ZC3H12B: variants seen among roughly 807,000 people sequenced by gnomAD.
The protein encoded by ZC3H12B is zinc finger CCCH-type containing 12B.
ZC3H12B carries 7 observed loss-of-function variants against 43.9 expected under a neutral mutation model. That is an observed-to-expected ratio of 0.16 (90% CI 0.09 to 0.30). ZC3H12B has a LOEUF of 0.30. Ranked by LOEUF, ZC3H12B falls within the 10% of genes least tolerant of loss-of-function variation. ZC3H12B has a pLI of 1.00. For synonymous variants in ZC3H12B, 222 were observed against 241.7 expected, an observed-to-expected ratio of 0.92 and a Z score of 0.76; for missense variants, 475 against 670.2, an observed-to-expected ratio of 0.71 and a Z score of 3.22.
chrX:65,043,147 A>G, the ZC3H12B span, among the ~76,000 whole-genome samples: 1 of 111,431 alleles, frequency 9.0e-6, no homozygotes, highest in African/African-American at 3.3e-5. Context: ...TCATATAAAT[A>G]TGGTTATTAG....
the ZC3H12B span, among the ~76,000 whole-genome samples, chrX:65,261,599 T>G: frequency 9.0e-6 from 1 of 111,299 alleles, no homozygotes; most frequent in Admixed American, 9.6e-5. Flanking sequence ...TATTTTATTT[T>G]ACCTGTAATA....
At chrX:65,375,283 A>G (rs769511382) in intron 2 of ZC3H12B, among the ~76,000 whole-genome samples, 24 of 112,086 alleles carry the variant, frequency 2.1e-4, no homozygotes, top group Non-Finnish European at 3.8e-4. Flanking sequence ...GAGGGGAATT[A>G]TCCATCCCAG....
chrX:65,058,864 AC>A, the ZC3H12B span, among the ~76,000 whole-genome samples: 1 of 111,853 alleles, frequency 8.9e-6, no homozygotes. Context: ...TGGGCGTGTG[AC>A]CCTCCGAGCC....
At chrX:65,236,333 G>A in the ZC3H12B span, among the ~76,000 whole-genome samples, 1 of 111,709 alleles carries the variant, frequency 9.0e-6, no homozygotes, top group Non-Finnish European at 1.9e-5. Flanking sequence ...ATGTTTCTTA[G>A]CCACATGAAT....
upstream of ZC3H12B, among the ~76,000 whole-genome samples, chrX:65,363,084 C>A (rs1231149614): frequency 9.0e-6 from 1 of 111,681 alleles, no homozygotes; most frequent in Non-Finnish European, 1.9e-5. Flanking sequence ...TGCTGCAAGG[C>A]TTCAGGGACA....
intron 3 of ZC3H12B, among the ~76,000 whole-genome samples, chrX:65,435,999 A>T (rs763828168): frequency 3.6e-5 from 4 of 112,226 alleles, no homozygotes; most frequent in Non-Finnish European, 7.5e-5. Context: ...TGAGTAATTT[A>T]CAAAGAAACA....
intron 3 of ZC3H12B, among the ~76,000 whole-genome samples, chrX:65,467,949 C>G (rs1176364995): frequency 8.9e-6 from 1 of 112,196 alleles, no homozygotes; most frequent in African/African-American, 3.2e-5. Context: ...TGTGCAGAAG[C>G]TTTTTAGTTT....
At chrX:65,304,914 T>C in the ZC3H12B span, among the ~76,000 whole-genome samples, 1 of 111,712 alleles carries the variant, frequency 9.0e-6, no homozygotes, top group Non-Finnish European at 1.9e-5. Context: ...GTGGAGAAAA[T>C]ATTTACATTG....
At chrX:65,268,616 A>C in the ZC3H12B span, among the ~76,000 whole-genome samples, 1 of 112,828 alleles carries the variant, frequency 8.9e-6, no homozygotes, top group East Asian at 2.8e-4. Context: ...ATGCAAATCA[A>C]TGTGATACAT....
the ZC3H12B span, among the ~76,000 whole-genome samples, chrX:65,089,363 G>T: frequency 2.7e-5 from 3 of 111,618 alleles, no homozygotes; most frequent in Non-Finnish European, 5.6e-5. Flanking sequence ...TGGTATTTGT[G>T]TATCTAAACA....
chrX:65,295,127 T>A, the ZC3H12B span, among the ~76,000 whole-genome samples: 2 of 111,243 alleles, frequency 1.8e-5, no homozygotes, highest in African/African-American at 6.5e-5. Flanking sequence ...CTCAGTAAAT[T>A]TAAGAAAATT....
At chrX:65,135,354 T>G in the ZC3H12B span, among the ~76,000 whole-genome samples, 5 of 102,607 alleles carry the variant, frequency 4.9e-5, no homozygotes, top group East Asian at 5.8e-4. Flanking sequence ...TAGGTTGTTG[T>G]TTTTTTTTTC....
the ZC3H12B span, among the ~76,000 whole-genome samples, chrX:65,292,981 C>T: frequency 8.9e-6 from 1 of 112,137 alleles, no homozygotes; most frequent in Non-Finnish European, 1.9e-5. Context: ...AAGACCCTGT[C>T]TCAAAAAATA....
At chrX:65,116,405 A>T in the ZC3H12B span, among the ~76,000 whole-genome samples, 1 of 111,056 alleles carries the variant, frequency 9.0e-6, no homozygotes, top group East Asian at 2.8e-4. Flanking sequence ...CCATTGGTCT[A>T]TGTGCCTATT....
At chrX:65,195,095 CTT>C in the ZC3H12B span, among the ~76,000 whole-genome samples, 8 of 87,558 alleles carry the variant, frequency 9.1e-5, no homozygotes, top group African/African-American at 1.6e-4. Context: ...ATCATTGGGT[CTT>C]TTTTTTTTTA....
upstream of ZC3H12B, among the ~76,000 whole-genome samples, chrX:65,364,878 C>T (rs1217518239): frequency 9.0e-6 from 1 of 111,492 alleles, no homozygotes; most frequent in South Asian, 3.8e-4. Flanking sequence ...GACTGGCAAA[C>T]TGACTTTACT....
the ZC3H12B span, among the ~76,000 whole-genome samples, chrX:65,189,916 T>C: frequency 2.1e-4 from 23 of 108,059 alleles, no homozygotes; most frequent in Non-Finnish European, 4.2e-4. Context: ...TCTTCTAGGG[T>C]TTTTATGGTT....
At chrX:65,056,643 G>A in the ZC3H12B span, among the ~76,000 whole-genome samples, 38 of 111,022 alleles carry the variant, frequency 3.4e-4, no homozygotes, top group African/African-American at 1.1e-3. Context: ...CCCGGATATC[G>A]TTGTTAACTT....
the ZC3H12B span, among the ~76,000 whole-genome samples, chrX:65,151,995 A>C: frequency 8.9e-6 from 1 of 112,112 alleles, no homozygotes; most frequent in Non-Finnish European, 1.9e-5. Flanking sequence ...TGATTATCTC[A>C]ATAGATACAG....
Sources: allele counts gnomAD v4.1 joint callset (sites outside exome capture counted in the v4.1 genomes callset), GRCh38; gene constraint gnomAD v4.1.1; transcripts MANE v1.5; gene names NCBI Gene and HGNC (gene_info 2026-07-23, HGNC 2026-07-21).